The following GALNTL6 variants were observed in gnomAD, a reference collection of about 807,000 sequenced individuals.
The protein encoded by GALNTL6 is polypeptide N-acetylgalactosaminyltransferase-like 6.
GALNTL6 carries 46 observed loss-of-function variants against 73.7 expected under a neutral mutation model. The observed-to-expected ratio is 0.62, with a 90% confidence interval of 0.49 to 0.80. The LOEUF (loss-of-function observed/expected upper bound fraction) is 0.80. Ranked by LOEUF, GALNTL6 falls within the 30% of genes least tolerant of loss-of-function variation. GALNTL6 has a pLI of 0.00. For missense variants in GALNTL6, 604 were observed against 755.0 expected (o/e 0.80, Z 2.34); for synonymous variants, 259 against 263.7 (o/e 0.98, Z 0.17).
chr4:171,923,013 T>C (rs1737840957), intron 2 of GALNTL6, among the ~76,000 whole-genome samples: 1 of 152,024 alleles, frequency 6.6e-6, no homozygotes, highest in Non-Finnish European at 1.5e-5. Flanking sequence ...TGTAAAAATA[T>C]CTAAGACCAA....
chr4:172,492,038 AG>A (rs1289521782), intron 5 of GALNTL6, among the ~76,000 whole-genome samples: 1 of 151,938 alleles, frequency 6.6e-6, no homozygotes, highest in Non-Finnish European at 1.5e-5. Context: ...GTTAGGCTAT[AG>A]GGTCATAACA....
chr4:172,397,092 A>G (rs1380000818), intron 5 of GALNTL6, among the ~76,000 whole-genome samples: 1 of 152,082 alleles, frequency 6.6e-6, no homozygotes, highest in Admixed American at 6.6e-5. Context: ...CTACCTAGGT[A>G]TATATATATG....
chr4:172,036,450 C>T (rs1741932055), intron 2 of GALNTL6, among the ~76,000 whole-genome samples: 1 of 152,070 alleles, frequency 6.6e-6, no homozygotes, highest in Non-Finnish European at 1.5e-5. Flanking sequence ...TATATTATCT[C>T]ATTGTATTCT....
At chr4:172,718,962 G>GT (rs1258335412) in intron 5 of GALNTL6, among the ~76,000 whole-genome samples, 1 of 151,566 alleles carries the variant, frequency 6.6e-6, no homozygotes, top group Non-Finnish European at 1.5e-5. Flanking sequence ...TCATTGAGTT[G>GT]TTCATTTAGC....
intron 5 of GALNTL6, among the ~76,000 whole-genome samples, chr4:172,401,663 T>A (rs191556513): frequency 6.6e-6 from 1 of 152,236 alleles, no homozygotes; most frequent in East Asian, 1.9e-4. Context: ...AGTATACACA[T>A]ACTATTTAAC....
chr4:172,447,618 G>C (rs936561775), intron 5 of GALNTL6, among the ~76,000 whole-genome samples: 1 of 152,140 alleles, frequency 6.6e-6, no homozygotes, highest in African/African-American at 2.4e-5. Context: ...GAAGTAAATG[G>C]AGATACTAAT....
At chr4:171,920,724 A>G (rs772033714) in intron 2 of GALNTL6, among the ~76,000 whole-genome samples, 1 of 152,182 alleles carries the variant, frequency 6.6e-6, no homozygotes, top group South Asian at 2.1e-4. Flanking sequence ...ACACACAAAC[A>G]CAGTCATATA....
chr4:172,347,814 T>C lies in GALNTL6; in HGVS notation c.387-709T>C, dbSNP rs541516267. ...GAATATTGTTAAAAATAATAAATTA[T>C]TAGGTTAAATAATGAATAAAGGAAT... On this transcript the variant is annotated intron_variant, in intron 4 of 12. Coordinates refer to ENST00000506823, the MANE Select transcript of GALNTL6 (RefSeq NM_001034845.3). Among the ~76,000 whole-genome samples, 6 of 152,280 alleles carry C rather than the reference T, an allele frequency of 3.9e-5. No individual in the cohort carries two copies. The East Asian group carries it at 1.2e-3, about 29-fold the overall frequency.
At chr4:172,685,430 C>T (rs149527287) in intron 5 of GALNTL6, among the ~76,000 whole-genome samples, 30 of 152,256 alleles carry the variant, frequency 2.0e-4, no homozygotes, top group African/African-American at 5.8e-4. Context: ...CCTCTTTACT[C>T]ATTTATCTGT....
intron 8 of GALNTL6, among the ~76,000 whole-genome samples, chr4:172,907,934 T>C (rs1040521139): frequency 2.0e-5 from 3 of 152,184 alleles, no homozygotes. Flanking sequence ...TCTGGCACAT[T>C]TCAGTTGCCA....
intron 3 of GALNTL6, among the ~76,000 whole-genome samples, chr4:172,278,455 T>C (rs756493452): frequency 1.6e-4 from 25 of 152,150 alleles, no homozygotes; most frequent in Non-Finnish European, 3.2e-4. Context: ...GGACCTCCCA[T>C]TCCAATTTGA....
rs370615360 is a variant in GALNTL6 at position 172,813,589 on chromosome 4, C to A, written c.789C>A (p.Val263=). 1 of 1,612,794 alleles carries A rather than the reference C, an allele frequency of 6.2e-7. No individual in the cohort carries two copies. Among genetic ancestry groups the A allele is most frequent in the Non-Finnish European group, 8.5e-7 (1 of 1,179,076 alleles). The change falls in exon 7 of 13, where the codon GTC becomes GTA. Residue 263 remains valine (V), a synonymous_variant. Transcript: ENST00000506823. Reference sequence around the variant, plus strand: ...CCATCGTGTGTCCCATGATCGATGTCATTGACCACAATCACTTCGGGTATG... The same window carrying A: ...CCATCGTGTGTCCCATGATCGATGTAATTGACCACAATCACTTCGGGTATG... ...HKTIVCPMID[V]IDHNHFGYEA...
At chr4:172,243,796 C>T (rs1306477799) in intron 3 of GALNTL6, among the ~76,000 whole-genome samples, 7 of 152,124 alleles carry the variant, frequency 4.6e-5, no homozygotes, top group African/African-American at 1.7e-4. Context: ...ACCTGTTTTG[C>T]TCCTAAATGT....
intron 5 of GALNTL6, among the ~76,000 whole-genome samples, chr4:172,386,306 A>G (rs1193429809): frequency 6.6e-6 from 1 of 152,146 alleles, no homozygotes; most frequent in Non-Finnish European, 1.5e-5. Flanking sequence ...TGGAAAGTCC[A>G]AGATCAAAGT....
intron 5 of GALNTL6, among the ~76,000 whole-genome samples, chr4:172,368,877 G>T (rs1237136197): frequency 6.6e-6 from 1 of 152,214 alleles, no homozygotes; most frequent in Non-Finnish European, 1.5e-5. Context: ...TCTTCCTTCT[G>T]GTGGGTTCGT....
intron 5 of GALNTL6, among the ~76,000 whole-genome samples, chr4:172,693,326 T>G (rs919174053): frequency 7.2e-5 from 11 of 152,312 alleles, no homozygotes; most frequent in Non-Finnish European, 1.5e-4. Flanking sequence ...AGTTATTAAT[T>G]TCTGCCTATC....
At chr4:172,573,668 G>C (rs1035077104) in intron 5 of GALNTL6, among the ~76,000 whole-genome samples, 1 of 152,112 alleles carries the variant, frequency 6.6e-6, no homozygotes, top group African/African-American at 2.4e-5. Flanking sequence ...CAGATAAAGA[G>C]GTGCATGAAG....
At position 172,937,859 on chromosome 4, in the gene GALNTL6, T is replaced by C. The variant is rs572702508; in HGVS notation, c.1149+6591T>C. Among the ~76,000 whole-genome samples the C allele has an allele frequency of 1.1e-4, 17 of 152,212 alleles. 1 individual carries two copies. Among genetic ancestry groups the C allele is most frequent in the Admixed American group, 2.6e-4 (4 of 15,276 alleles). ...TTGGAAATTGTTTTTTAATAGACTG[T>C]CATATTATAATTGAGATTATGATGT... On this transcript the variant is annotated intron_variant, in intron 9 of 12. Coordinates refer to ENST00000506823, the MANE Select transcript of GALNTL6 (RefSeq NM_001034845.3).
At chr4:172,264,469 A>AATAT (rs33961476) in intron 3 of GALNTL6, among the ~76,000 whole-genome samples, 4 of 137,888 alleles carry the variant, frequency 2.9e-5, no homozygotes, top group African/African-American at 7.9e-5. Context: ...ATATATTCCA[A>AATAT]ATATATATAT....
Sources: allele counts gnomAD v4.1 joint callset (sites outside exome capture counted in the v4.1 genomes callset), GRCh38; gene constraint gnomAD v4.1.1; transcripts MANE v1.5; gene names NCBI Gene and HGNC (gene_info 2026-07-23, HGNC 2026-07-21).